OSBPL11: variants seen among roughly 807,000 people sequenced by gnomAD.
OSBPL11 encodes the protein oxysterol-binding protein-related protein 11.
In OSBPL11, 33 loss-of-function variants were observed where a neutral mutation model predicts 84.4. The observed-to-expected ratio is 0.39, with a 90% confidence interval of 0.30 to 0.52. The LOEUF is 0.52. OSBPL11 is among the 20% of genes least tolerant of loss of function. The pLI is 0.72. For synonymous variants in OSBPL11, 276 were observed against 310.2 expected, an observed-to-expected ratio of 0.89 and a Z score of 1.16; for missense variants, 736 against 901.1, an observed-to-expected ratio of 0.82 and a Z score of 2.35.
intron 8 of OSBPL11, among the ~76,000 whole-genome samples, chr3:125,557,754 A>G (rs1036883905): frequency 1.3e-5 from 2 of 148,822 alleles, no homozygotes; most frequent in Non-Finnish European, 1.5e-5. Flanking sequence ...GTGGTTGGTT[A>G]ATGTTAATGT....
chr3:125,560,284 T>A, intron 8 of OSBPL11, 95 bp downstream of exon 8: 4 of 1,166,804 alleles, frequency 3.4e-6, no homozygotes, highest in Middle Eastern at 3.2e-4. Context: ...AATTAAAATT[T>A]AAAAAGTAAA....
chr3:125,594,672 G>C lies in OSBPL11; in HGVS notation c.129C>G (p.Ser43Arg). ...SCGGGISSSSSSRGGSAKGWQ... is the reference protein window; with the variant it reads ...SCGGGISSSSRSRGGSAKGWQ... ...AGCCTTTTGCACTGCCACCGCGGCT[G>C]CTGCTGCTGCTACTGATTCCACCTC... is the stretch of plus-strand genomic sequence containing the variant. Residue 43 changes from serine to arginine, a missense_variant, in exon 1 of 13, where the codon AGC (serine) becomes AGG (arginine). Transcript: ENST00000296220. 1 of 1,613,946 alleles carries C rather than the reference G, an allele frequency of 6.2e-7. No homozygotes were observed. Among genetic ancestry groups the C allele is most frequent in the Non-Finnish European group, 8.5e-7 (1 of 1,180,020 alleles).
At position 125,563,893 on chromosome 3, in the gene OSBPL11, A is replaced by C. The variant is rs369625576; in HGVS notation, c.869-50T>G. 3.1e-6 allele frequency: 5 copies of C among 1,600,562 alleles called. No homozygotes were observed. In the African/African-American group the frequency reaches 6.7e-5, roughly 22 times the overall value. On this transcript the variant is annotated intron_variant, in intron 6 of 12. Transcript: ENST00000296220. ...GCTGAAACTTGCTCATAATCTAGAA[A>C]GTTCGGCAGATGTGGATTTTAACAA...
At chr3:125,594,542 A>G (rs59294977) in intron 1 of OSBPL11, 95 bp downstream of exon 1, 68,401 of 1,445,104 alleles carry the variant, frequency 0.047, 2,016 homozygotes, top group African/African-American at 0.12. Flanking sequence ...GCCAGTGAAA[A>G]AACTTTTATC....
intron 10 of OSBPL11, among the ~76,000 whole-genome samples, chr3:125,543,581 G>T (rs988974689): frequency 6.6e-6 from 1 of 151,998 alleles, no homozygotes; most frequent in Non-Finnish European, 1.5e-5. Flanking sequence ...ATATATCCTC[G>T]TCCCCTGCAA....
At position 125,563,799 on chromosome 3, in the gene OSBPL11, G is replaced by A. The variant is rs200724396; in HGVS notation, c.913C>T (p.His305Tyr). Residue 305 changes from histidine (H) to tyrosine (Y), a missense_variant, in exon 7 of 13, where the codon CAC becomes TAC. His to Tyr is a moderately conservative substitution (Grantham distance 83). Around this residue, in one of 3 missense-constraint regions of OSBPL11, gnomAD observed 579 missense variants for 717.6 expected, o/e 0.81. Transcript: ENST00000296220. ...GGCTGGTCAGCTCCATTTTTATAGTGGTTTGATAAAGATATCTTTGGTTCT... is the reference window on the plus strand; with the variant it reads ...GGCTGGTCAGCTCCATTTTTATAGTAGTTTGATAAAGATATCTTTGGTTCT... ...WLEPKISLSNHYKNGADQPFA... is the reference protein window; with the variant it reads ...WLEPKISLSNYYKNGADQPFA... 1.3e-4 allele frequency: 209 copies of A among 1,613,972 alleles called. 1 individual carries two copies. The highest frequency in any genetic ancestry group is 3.1e-5 in the Non-Finnish European group (37 of 1,180,020).
intron 8 of OSBPL11, among the ~76,000 whole-genome samples, chr3:125,553,528 TG>T (rs1277976691): frequency 6.6e-6 from 1 of 152,124 alleles, no homozygotes; most frequent in African/African-American, 2.4e-5. Flanking sequence ...CACTGCAAAA[TG>T]GTTTAAACGT....
intron 1 of OSBPL11, 108 bp from the exon 2 acceptor site, chr3:125,583,086 C>A (rs1185048846): frequency 4.4e-6 from 3 of 685,614 alleles, no homozygotes; most frequent in Non-Finnish European, 7.1e-6. Context: ...TCTATAAATG[C>A]CTCAAATTTT....
chr3:125,543,855 G>A (rs1444986797), intron 10 of OSBPL11, among the ~76,000 whole-genome samples: 3 of 151,986 alleles, frequency 2.0e-5, no homozygotes, highest in Non-Finnish European at 4.4e-5. Context: ...AGCTGAGATC[G>A]CACCACTGCA....
intron 6 of OSBPL11, among the ~76,000 whole-genome samples, chr3:125,566,874 T>G (rs1161129579): frequency 6.6e-6 from 1 of 151,986 alleles, no homozygotes; most frequent in Non-Finnish European, 1.5e-5. Context: ...AGCCTTGGAC[T>G]CCTGGGCTCG....
intron 5 of OSBPL11, among the ~76,000 whole-genome samples, chr3:125,569,312 A>C (rs191421440): frequency 6.6e-6 from 1 of 152,264 alleles, no homozygotes; most frequent in Admixed American, 6.5e-5. Flanking sequence ...GATCCTACTA[A>C]GCAAATCAGT....
intron 10 of OSBPL11, among the ~76,000 whole-genome samples, chr3:125,545,097 A>G (rs950261444): frequency 3.3e-5 from 5 of 152,218 alleles, no homozygotes; most frequent in African/African-American, 9.6e-5. Flanking sequence ...ACTGACTGAA[A>G]GTTAGCTTTG....
intron 1 of OSBPL11, among the ~76,000 whole-genome samples, chr3:125,583,437 C>T (rs1205678046): frequency 1.3e-5 from 2 of 151,418 alleles, no homozygotes; most frequent in South Asian, 2.1e-4. Flanking sequence ...AAAAATTCAT[C>T]GGGCGTGGTG....
intron 9 of OSBPL11, among the ~76,000 whole-genome samples, chr3:125,548,032 A>G (rs907528658): frequency 6.6e-6 from 1 of 152,064 alleles, no homozygotes; most frequent in African/African-American, 2.4e-5. Flanking sequence ...GCCCGCCACC[A>G]TACCTAGCTA....
At chr3:125,541,626 G>A (rs1935730767) in intron 10 of OSBPL11, among the ~76,000 whole-genome samples, 1 of 152,146 alleles carries the variant, frequency 6.6e-6, no homozygotes, top group Non-Finnish European at 1.5e-5. Flanking sequence ...CACCCAGGCT[G>A]GACTTCAGTG....
intron 2 of OSBPL11, among the ~76,000 whole-genome samples, chr3:125,582,398 A>G: frequency 6.6e-6 from 1 of 152,152 alleles, no homozygotes; most frequent in East Asian, 1.9e-4. Flanking sequence ...AGCCTGTTCT[A>G]TAATAGAACT....
chr3:125,577,709 G>A (rs1158180442), intron 4 of OSBPL11, among the ~76,000 whole-genome samples: 1 of 152,042 alleles, frequency 6.6e-6, no homozygotes, highest in Non-Finnish European at 1.5e-5. Flanking sequence ...GGTGCCTGTA[G>A]TCCTAGCTAC....
intron 3 of OSBPL11, among the ~76,000 whole-genome samples, 170 bp from the exon 4 acceptor site, chr3:125,579,209 T>C (rs1353331872): frequency 6.6e-6 from 1 of 152,186 alleles, no homozygotes; most frequent in African/African-American, 2.4e-5. Context: ...CCAACGTTGT[T>C]AGGGAACACA....
intron 1 of OSBPL11, among the ~76,000 whole-genome samples, chr3:125,589,289 C>T (rs1936561916): frequency 7.0e-6 from 1 of 143,650 alleles, no homozygotes; most frequent in Non-Finnish European, 1.5e-5. Flanking sequence ...TTGTGGTGAG[C>T]CAAGATTGCA....
Sources: allele counts gnomAD v4.1 joint callset (sites outside exome capture counted in the v4.1 genomes callset), GRCh38; gene constraint gnomAD v4.1.1; regional missense constraint gnomAD v4.1.1; transcripts MANE v1.5; gene names NCBI Gene and HGNC (gene_info 2026-07-23, HGNC 2026-07-21).